ECHDC1: variants seen among roughly 807,000 people sequenced by gnomAD.
ECHDC1 encodes the protein ethylmalonyl-CoA decarboxylase.
A neutral mutation model predicts 29.7 loss-of-function variants in ECHDC1; 29 were observed. That is an observed-to-expected ratio of 0.98 (90% CI 0.73 to 1.33). ECHDC1 has a LOEUF of 1.33. Among genes scored for constraint, ECHDC1 ranks in the 40% most tolerant of loss-of-function variants. The pLI, the probability that ECHDC1 is intolerant of heterozygous loss-of-function variation, is 0.00. For synonymous variants in ECHDC1, 126 were observed against 123.1 expected, an observed-to-expected ratio of 1.02 and a Z score of -0.15; for missense variants, 328 against 350.0, an observed-to-expected ratio of 0.94 and a Z score of 0.50.
At chr6:127,303,331 T>C (rs1781195345) in intron 5 of ECHDC1, among the ~76,000 whole-genome samples, 2 of 152,172 alleles carry the variant, frequency 1.3e-5, no homozygotes, top group Non-Finnish European at 2.9e-5. Flanking sequence ...AAAAGCCAAG[T>C]TGTGAATACA....
chr6:127,295,553 CTAAA>C (rs1346112514), intron 5 of ECHDC1, among the ~76,000 whole-genome samples: 1 of 152,086 alleles, frequency 6.6e-6, no homozygotes, highest in Non-Finnish European at 1.5e-5. Flanking sequence ...CCAAAAATCT[CTAAA>C]AAGGCAAATT....
intron 5 of ECHDC1, among the ~76,000 whole-genome samples, chr6:127,296,578 C>T (rs1280614052): frequency 1.3e-5 from 2 of 152,004 alleles, no homozygotes; most frequent in Non-Finnish European, 2.9e-5. Flanking sequence ...GACATTATCC[C>T]TAATACTTGA....
chr6:127,336,381 CACTGA>C (rs1784424823), intron 1 of ECHDC1, among the ~76,000 whole-genome samples: 1 of 152,074 alleles, frequency 6.6e-6, no homozygotes, highest in Non-Finnish European at 1.5e-5. Flanking sequence ...TATTTTCATT[CACTGA>C]ATATTATTCC....
At chr6:127,304,060 C>G (rs538437768) in intron 5 of ECHDC1, among the ~76,000 whole-genome samples, 2 of 152,230 alleles carry the variant, frequency 1.3e-5, no homozygotes, top group South Asian at 4.1e-4. Context: ...AGGCAGTATC[C>G]AGGGGGTGGT....
chr6:127,317,337 T>G (rs570649669), intron 3 of ECHDC1, among the ~76,000 whole-genome samples: 1 of 144,008 alleles, frequency 6.9e-6, no homozygotes, highest in Non-Finnish European at 1.6e-5. Flanking sequence ...TTATAATTTC[T>G]TTTTTTTGGA....
At chr6:127,342,319 C>T (rs1212667216) in intron 1 of ECHDC1, 2 of 1,533,568 alleles carry the variant, frequency 1.3e-6, no homozygotes, top group South Asian at 1.2e-5. Flanking sequence ...CACAAATCAA[C>T]TCTCCAACTA....
rs1205753689 is a variant in ECHDC1 at position 127,293,616 on chromosome 6, GTGTC to G, written c.498-3343_498-3340del. Among the ~76,000 whole-genome samples the G allele has an allele frequency of 2.6e-5, 4 of 152,148 alleles. 1 individual carries two copies. The highest frequency in any genetic ancestry group is 2.1e-4 in the South Asian group (1 of 4,832). The stretch of plus-strand genomic sequence containing the variant: ...TCCACAATTCTTTTATAGATAGAGT[GTGTC>G]TGTATGTTTTAAAAAATTGTGTGAA... On this transcript the variant is annotated intron_variant, in intron 5 of 5. Transcript: ENST00000454859.
intron 5 of ECHDC1, among the ~76,000 whole-genome samples, chr6:127,293,509 AG>A: frequency 6.6e-6 from 1 of 152,284 alleles, no homozygotes; most frequent in East Asian, 1.9e-4. Flanking sequence ...TGGTACAAAG[AG>A]GAGAGGAAGA....
Position 127,316,473 on chromosome 6 carries a change from T to C in ECHDC1, c.393A>G (p.Gln131=), listed in dbSNP as rs1252416706. The C allele has an allele frequency of 1.2e-6, 2 of 1,606,928 alleles. No homozygotes were observed. Among genetic ancestry groups the C allele is most frequent in the East Asian group, 2.2e-5 (1 of 44,526 alleles). The change falls in exon 4 of 6, where the codon CAA becomes CAG. Residue 131 remains glutamine, a synonymous_variant. Transcript: ENST00000454859. The part of the protein sequence containing the change: ...EDGMAVCMFM[Q]NTLTRFMRLP... ...ACCTCATAAATCTTGTTAAGGTGTT[T>C]TGCATGAACATGCATACGGCCATTC...
chr6:127,296,236 C>T (rs1780584343), intron 5 of ECHDC1, among the ~76,000 whole-genome samples: 1 of 152,114 alleles, frequency 6.6e-6, no homozygotes, highest in Non-Finnish European at 1.5e-5. Flanking sequence ...CTCCATTGCC[C>T]AGGCTGGAGT....
intron 1 of ECHDC1, among the ~76,000 whole-genome samples, chr6:127,339,287 G>A (rs1784709129): frequency 1.3e-5 from 2 of 148,330 alleles, no homozygotes; most frequent in African/African-American, 2.5e-5. Context: ...AGGTACATAC[G>A]AGATAAGCTG....
chr6:127,335,318 C>G (rs1217387500), intron 1 of ECHDC1, among the ~76,000 whole-genome samples: 1 of 152,002 alleles, frequency 6.6e-6, no homozygotes, highest in African/African-American at 2.4e-5. Context: ...ACTAAGGTGG[C>G]TTATAACTAC....
intron 1 of ECHDC1, chr6:127,342,486 C>G (rs1352820050): frequency 4.2e-5 from 44 of 1,038,266 alleles, no homozygotes; most frequent in Non-Finnish European, 4.5e-5. Context: ...AAGGATCGCC[C>G]GTTCTATTAC....
intron 1 of ECHDC1, among the ~76,000 whole-genome samples, chr6:127,333,111 T>C (rs1290176095): frequency 6.6e-6 from 1 of 152,312 alleles, no homozygotes; most frequent in Non-Finnish European, 1.5e-5. Context: ...TGGCTTTCTG[T>C]CCAGCACCTA....
chr6:127,339,398 T>A (rs1784718443), intron 1 of ECHDC1, among the ~76,000 whole-genome samples: 2 of 151,664 alleles, frequency 1.3e-5, no homozygotes, highest in South Asian at 4.2e-4. Context: ...ATAATGTGGT[T>A]ATTACTATAT....
chr6:127,320,000 T>G (rs1271355798), intron 3 of ECHDC1, among the ~76,000 whole-genome samples: 2 of 152,170 alleles, frequency 1.3e-5, no homozygotes, highest in Admixed American at 6.5e-5. Context: ...TCAAAATACA[T>G]GGAAGAGCTT....
At chr6:127,342,981 G>C (rs962402400) in intron 1 of ECHDC1, 2 of 152,256 alleles carry the variant, frequency 1.3e-5, no homozygotes, top group Admixed American at 6.5e-5. Context: ...ACAGGGCCTC[G>C]AATGTATTCC....
chr6:127,336,435 T>C (rs531764963), intron 1 of ECHDC1, among the ~76,000 whole-genome samples: 1 of 152,316 alleles, frequency 6.6e-6, no homozygotes, highest in East Asian at 1.9e-4. Context: ...ATAGCTCCAT[T>C]ACCCAAAACT....
At position 127,331,018 on chromosome 6, in the gene ECHDC1, C is replaced by G. The variant is rs1203459470; in HGVS notation, c.11G>C (p.Ser4Thr). 6.2e-7 allele frequency: 1 copy of G among 1,612,750 alleles called. No individual in the cohort carries two copies. Among genetic ancestry groups the G allele is most frequent in the African/African-American group, 1.3e-5 (1 of 74,882 alleles). MAK[S>T]LLKTASLSGR... ...AGACAGAGAGGCTGTCTTCAAAAGA[C>G]TTTTCGCCATTTCTGGAAAACAGAA... The change falls in exon 2 of 6, where the codon AGT (serine) becomes ACT (threonine). Residue 4 changes from serine (S) to threonine (T), a missense_variant. Transcript: ENST00000454859.
Sources: gnomAD v4.1 joint callset for allele counts (sites outside exome capture counted in the v4.1 genomes callset) on GRCh38, gnomAD v4.1.1 for gene constraint, MANE v1.5 for transcripts, NCBI Gene and HGNC (gene_info 2026-07-23, HGNC 2026-07-21) for gene names.